Variants in CCDC15 observed in about 807,000 individuals in gnomAD.
CCDC15 encodes coiled-coil domain containing 15.
A neutral mutation model predicts 114.5 loss-of-function variants in CCDC15; 105 were observed. The observed-to-expected ratio is 0.92, with a 90% CI of 0.78 to 1.08. CCDC15 has a LOEUF of 1.08. Among genes scored for constraint, CCDC15 ranks in the 50% least tolerant of loss-of-function variants. The probability of loss-of-function intolerance (pLI) is 0.00; values close to 1 mark genes in which losing one functional copy is unlikely to be tolerated. For missense variants in CCDC15, 1,105 were observed against 1,093.6 expected (o/e 1.01, Z -0.15); for synonymous variants, 334 against 377.8 (o/e 0.88, Z 1.34).
At chr11:124,959,363 A>C in intron 3 of CCDC15, 99 bp downstream of exon 3, 1 of 992,884 alleles carries the variant, frequency 1.0e-6, no homozygotes, top group Non-Finnish European at 1.4e-6. Context: ...CTTTGATTAC[A>C]TGCCTAATAT....
chr11:125,020,995 G>A (rs1187763427), intron 13 of CCDC15, among the ~76,000 whole-genome samples: 11 of 151,684 alleles, frequency 7.3e-5, no homozygotes, highest in African/African-American at 2.4e-4. Flanking sequence ...AAATAGGCTC[G>A]AATATCAGGG....
chr11:124,995,171 TG>T (rs1004355820), intron 11 of CCDC15, among the ~76,000 whole-genome samples: 31 of 152,308 alleles, frequency 2.0e-4, no homozygotes, highest in African/African-American at 6.7e-4. Flanking sequence ...TCCTCTTGTC[TG>T]GGTAGTCTTC....
At chr11:124,991,957 T>C (rs555435902) in intron 9 of CCDC15, among the ~76,000 whole-genome samples, 3 of 152,356 alleles carry the variant, frequency 2.0e-5, no homozygotes, top group East Asian at 3.9e-4. Flanking sequence ...GTGCTGGGTT[T>C]ACAGGCGTAA....
Position 124,959,859 on chromosome 11 carries a change from C to G in CCDC15, c.372C>G (p.His124Gln), listed in dbSNP as rs556309876. 103 of 1,602,068 alleles carry G rather than the reference C, an allele frequency of 6.4e-5. No homozygotes were observed. The South Asian group carries it at 1.0e-3, about 16-fold the overall frequency. The part of the protein sequence containing the change: ...GSIAMQSSAT[H>Q]LTSKRTSVFP... Reference sequence around the variant, plus strand: ...TAGCCATGCAGTCTTCAGCAACACACTTAACTTCCAAAAGGACAAGTGTTT... The same window carrying G: ...TAGCCATGCAGTCTTCAGCAACACAGTTAACTTCCAAAAGGACAAGTGTTT... Residue 124 changes from histidine to glutamine, a missense_variant, in exon 4 of 16, where the codon CAC (histidine) becomes CAG (glutamine). By Grantham distance (24) the His-to-Gln change is conservative (BLOSUM62 0). Transcript: ENST00000344762.
At chr11:124,964,928 T>C (rs1947744734) in intron 4 of CCDC15, among the ~76,000 whole-genome samples, 2 of 152,216 alleles carry the variant, frequency 1.3e-5, no homozygotes, top group Admixed American at 1.3e-4. Context: ...GTTCTGTTTA[T>C]GTGATGGCGT....
intron 11 of CCDC15, among the ~76,000 whole-genome samples, chr11:124,996,882 A>G (rs1023431917): frequency 3.9e-5 from 6 of 152,198 alleles, no homozygotes; most frequent in Non-Finnish European, 7.3e-5. Flanking sequence ...TTTAAGGCTG[A>G]ATAGCATTCC....
intron 11 of CCDC15, among the ~76,000 whole-genome samples, chr11:124,999,032 C>T (rs775634105): frequency 1.8e-4 from 27 of 152,098 alleles, no homozygotes; most frequent in Non-Finnish European, 2.2e-4. Context: ...CCACTGCGCC[C>T]GGCCGAGAGT....
intron 4 of CCDC15, among the ~76,000 whole-genome samples, chr11:124,960,266 CAGTGAGCCG>C (rs1252110110): frequency 8.7e-5 from 2 of 23,106 alleles, no homozygotes; most frequent in Non-Finnish European, 1.8e-4. Context: ...GCGGAGCCTG[CAGTGAGCCG>C]AGATTGCGCC....
intron 11 of CCDC15, among the ~76,000 whole-genome samples, chr11:124,995,165 C>T (rs1490169903): frequency 6.6e-6 from 1 of 152,136 alleles, no homozygotes; most frequent in African/African-American, 2.4e-5. Context: ...GTTGTTTCCT[C>T]TTGTCTGGGT....
intron 13 of CCDC15, among the ~76,000 whole-genome samples, chr11:125,019,939 T>C (rs1014915338): frequency 1.5e-3 from 1 of 686 alleles, no homozygotes; most frequent in African/African-American, 0.015. Context: ...GTCATTTCTA[T>C]GTGGGGGGGG....
At chr11:124,979,512 G>A (rs138209590) in intron 6 of CCDC15, among the ~76,000 whole-genome samples, 1,588 of 152,172 alleles carry the variant, frequency 0.01, 29 homozygotes, top group African/African-American at 0.035. Context: ...TTAGTTAGCT[G>A]TATTCCTAGG....
At chr11:125,032,993 G>A (rs994161759) in intron 13 of CCDC15, among the ~76,000 whole-genome samples, 5 of 152,128 alleles carry the variant, frequency 3.3e-5, no homozygotes, top group African/African-American at 1.2e-4. Context: ...GGTAAAGTCC[G>A]GAGGTCTCCT....
At position 124,988,049 on chromosome 11, in the gene CCDC15, T is replaced by G. The variant is rs199512085; in HGVS notation, c.1823T>G (p.Phe608Cys). ...NILPICQDRD[F>C]LPRDLHVLSN... ...CTACCCATATGTCAGGACCGGGATT[T>G]TCTACCCAGAGACCTGCATGTTCTC... The change falls in exon 8 of 16, where the codon TTT becomes TGT. Residue 608 changes from phenylalanine (F) to cysteine (C), a missense_variant. Phe to Cys is a radical substitution (Grantham distance 205). Transcript: ENST00000344762. 3 of 1,613,920 alleles carry G rather than the reference T, an allele frequency of 1.9e-6. No homozygotes were observed. Among genetic ancestry groups the G allele is most frequent in the Non-Finnish European group, 2.5e-6 (3 of 1,179,900 alleles).
chr11:125,020,431 T>G (rs1948653979), intron 13 of CCDC15, among the ~76,000 whole-genome samples: 1 of 151,998 alleles, frequency 6.6e-6, no homozygotes, highest in Admixed American at 6.6e-5. Flanking sequence ...TTTAAGTTGT[T>G]GAAATTGTAA....
At chr11:124,972,380 A>G (rs938384011) in intron 4 of CCDC15, among the ~76,000 whole-genome samples, 11 of 152,204 alleles carry the variant, frequency 7.2e-5, no homozygotes, top group Admixed American at 4.6e-4. Context: ...ACAAATGTAT[A>G]TATATACCAC....
chr11:125,034,905 G>A (rs11518425), intron 13 of CCDC15, among the ~76,000 whole-genome samples: 62,263 of 151,714 alleles, frequency 0.41, 14,012 homozygotes, highest in African/African-American at 0.6. Context: ...CTATATATAT[G>A]CATAGTTATA....
intron 13 of CCDC15, 105 bp downstream of exon 13, chr11:125,005,317 A>G (rs993024884): frequency 2.0e-5 from 10 of 509,562 alleles, no homozygotes; most frequent in Non-Finnish European, 3.1e-5. Flanking sequence ...ATCCATATTG[A>G]AAACAGCTAT....
chr11:124,968,367 C>T (rs531803619), intron 4 of CCDC15, among the ~76,000 whole-genome samples: 17 of 152,314 alleles, frequency 1.1e-4, no homozygotes, highest in Admixed American at 2.0e-4. Flanking sequence ...GAATGGCGGA[C>T]GCCCCTCCTC....
At chr11:124,964,873 G>T (rs1196283127) in intron 4 of CCDC15, among the ~76,000 whole-genome samples, 1 of 152,118 alleles carries the variant, frequency 6.6e-6, no homozygotes, top group African/African-American at 2.4e-5. Flanking sequence ...TTTGTCAAAG[G>T]CCTTTTCTGC....
Sources: allele counts gnomAD v4.1 joint callset (sites outside exome capture counted in the v4.1 genomes callset), GRCh38; gene constraint gnomAD v4.1.1; transcripts MANE v1.5; gene names NCBI Gene and HGNC (gene_info 2026-07-23, HGNC 2026-07-21).